The following TTC38 variants were observed in gnomAD, a reference collection of about 807,000 sequenced individuals.
TTC38 encodes the protein tetratricopeptide repeat protein 38.
TTC38 carries 64 observed loss-of-function variants against 64.2 expected under a neutral mutation model. The ratio of observed to expected loss-of-function variants is 1.00; its 90% CI spans 0.81 to 1.23. The LOEUF (loss-of-function observed/expected upper bound fraction) is 1.23. Among genes scored for constraint, TTC38 ranks in the 50% most tolerant of loss-of-function variants. The probability of loss-of-function intolerance (pLI) is 0.00; values close to 1 mark genes in which losing one functional copy is unlikely to be tolerated. For synonymous variants in TTC38, 254 were observed against 249.3 expected, an observed-to-expected ratio of 1.02 and a Z score of -0.18; for missense variants, 573 against 615.5, an observed-to-expected ratio of 0.93 and a Z score of 0.73.
intron 6 of TTC38, chr22:46,280,382 G>A: frequency 1.2e-5 from 4 of 345,604 alleles, no homozygotes; most frequent in South Asian, 8.6e-5. Context: ...TTGTAGCCTG[G>A]GAATGCAGTT....
chr22:46,288,538 C>A lies in TTC38; in HGVS notation c.1032C>A (p.His344Gln). The A allele has an allele frequency of 1.2e-6, 2 of 1,613,954 alleles. No homozygotes were observed. The highest frequency in any genetic ancestry group is 1.7e-6 in the Non-Finnish European group (2 of 1,179,898). The change falls in exon 11 of 14, where the codon CAC becomes CAA. Residue 344 changes from histidine (H) to glutamine (Q), a missense_variant. Coordinates refer to ENST00000381031, the MANE Select transcript of TTC38 (RefSeq NM_017931.4). ...AHFLMASLGAHDPQTTQELLT... is the reference protein window; with the variant it reads ...AHFLMASLGAQDPQTTQELLT... ...TCCTGATGGCATCCCTGGGTGCACA[C>A]GACCCCCAGACCACACAGGAGCTGC...
rs576783275 is a variant in TTC38, at chr22:46,284,538, A to G, written c.795+506A>G. Among the ~76,000 whole-genome samples the G allele has an allele frequency of 7.9e-5, 12 of 152,308 alleles. No homozygotes were observed. In the South Asian group the frequency reaches 1.7e-3, roughly 21 times the overall value. On this transcript the variant is annotated intron_variant, in intron 8 of 13. Transcript: ENST00000381031. ...AATGTGATGATACAGTGTCTGGAAG[A>G]CAGCACAGAACCCAGCTAAATGTAC...
chr22:46,282,389 G>A lies in TTC38; in HGVS notation c.735+671G>A, dbSNP rs900706769. ...AACGCCTGCAGAGGCCTCAGGGAAG[G>A]AAAGGCTAGCACCATGGTGGAGGTG... is the stretch of plus-strand genomic sequence containing the variant. On this transcript the variant is annotated intron_variant, in intron 7 of 13. Transcript: ENST00000381031. The surrounding 1 kb of genome is among the most constrained non-coding windows in gnomAD (Gnocchi z 4.4). Among the ~76,000 whole-genome samples, 6 of 152,218 alleles carry A rather than the reference G, an allele frequency of 3.9e-5. No homozygotes were observed. Among genetic ancestry groups the A allele is most frequent in the Non-Finnish European group, 7.3e-5 (5 of 68,028 alleles).
intron 5 of TTC38, among the ~76,000 whole-genome samples, chr22:46,277,284 A>G: frequency 6.6e-6 from 1 of 151,948 alleles, no homozygotes; most frequent in Non-Finnish European, 1.5e-5. Context: ...ACCACCCTAG[A>G]TACTCGGGTG....
At position 46,292,406 on chromosome 22, in the gene TTC38, C is replaced by T. The variant is rs984652586; in HGVS notation, c.1317-385C>T. On this transcript the variant is annotated intron_variant, in intron 13 of 13. Transcript: ENST00000381031. The surrounding 1 kb of genome is among the most constrained non-coding windows in gnomAD (Gnocchi z 6.5). ...GGCCCCACCCTCATGACTTAATCAC[C>T]TCCAAGAGGCCCTGTTCTTAATACC... is the stretch of plus-strand genomic sequence containing the variant. 3 of 302,304 alleles carry T rather than the reference C, an allele frequency of 9.9e-6. No homozygotes were observed. The highest frequency in any genetic ancestry group is 4.3e-5 in the African/African-American group (2 of 46,536). The allele number at this position is 302,304 out of a possible 1,614,324, so 18.7% of individuals were successfully genotyped here. A position where few individuals can be genotyped will look rare whatever the true frequency, so the allele number is the denominator to read the frequency against.
At chr22:46,288,148 G>A (rs1245606136) in intron 10 of TTC38, among the ~76,000 whole-genome samples, 4 of 152,190 alleles carry the variant, frequency 2.6e-5, no homozygotes, top group Non-Finnish European at 5.9e-5. Context: ...GAGGCCTAGG[G>A]TTTGTCAAAG....
At chr22:46,277,331 G>A (rs181783845) in intron 5 of TTC38, among the ~76,000 whole-genome samples, 35 of 152,266 alleles carry the variant, frequency 2.3e-4, no homozygotes, top group East Asian at 2.1e-3. Flanking sequence ...TGGGCGGGAC[G>A]CAATGGCTCA....
At chr22:46,280,913 G>GTAGA (rs1342760855) in intron 6 of TTC38, among the ~76,000 whole-genome samples, 3 of 152,252 alleles carry the variant, frequency 2.0e-5, no homozygotes, top group Non-Finnish European at 4.4e-5. Flanking sequence ...CTGTGGCTGA[G>GTAGA]TAGATGCTTA....
Position 46,269,096 on chromosome 22 carries a change from C to G in TTC38, c.111+505C>G, listed in dbSNP as rs12483877. On this transcript the variant is annotated intron_variant, in intron 2 of 13. Coordinates refer to ENST00000381031, the MANE Select transcript of TTC38 (RefSeq NM_017931.4). The stretch of plus-strand genomic sequence containing the variant: ...GGTGGGGACATATCTCTGCCCCCCC[C>G]CCACAGCGTCCTAAAAGGGCCTCTG... 3,313 of 416,512 alleles carry G rather than the reference C, an allele frequency of 8.0e-3. 26 individuals are homozygous for G. The highest frequency in any genetic ancestry group is 0.01 in the Non-Finnish European group (2,168 of 206,830). 25.8% of individuals were successfully genotyped at this position (416,512 alleles called of 1,614,324 possible).
chr22:46,272,336 A>G lies in TTC38; in HGVS notation c.113A>G (p.Tyr38Cys), dbSNP rs1181776020. Residue 38 changes from tyrosine to cysteine, a missense_variant and splice_region_variant, in exon 3 of 14, where the codon TAT (tyrosine) becomes TGT (cysteine). By Grantham distance (194) the Tyr-to-Cys change is radical. This residue lies in a region of TTC38 where 134 missense variants were observed against 126.5 expected (regional missense o/e 1.06). Transcript: ENST00000381031. The surrounding 1 kb of genome is among the most constrained non-coding windows in gnomAD (Gnocchi z 6.4). ...CTTGTTTTGCTTTTCCCATTTCAGT[A>G]TGTAAAATGGACCAATGACAAGAGT... ...CKLFDATLTQ[Y>C]VKWTNDKSLG... The G allele has an allele frequency of 1.9e-6, 3 of 1,612,666 alleles. No individual in the cohort carries two copies. Among genetic ancestry groups the G allele is most frequent in the Non-Finnish European group, 2.5e-6 (3 of 1,179,078 alleles).
chr22:46,268,181 G>T, intron 1 of TTC38, 109 bp downstream of exon 1: 2 of 1,287,646 alleles, frequency 1.6e-6, no homozygotes, highest in Middle Eastern at 2.4e-4. Flanking sequence ...GGCGTGGGGT[G>T]AGCCCTGGGC....
chr22:46,276,979 A>AG lies in TTC38; in HGVS notation c.539+1558_539+1559insG, dbSNP rs2077494848. On this transcript the variant is annotated intron_variant, in intron 5 of 13. Transcript: ENST00000381031. This position sits in a 1 kb window ranked among gnomAD's most constrained non-coding sequence, Gnocchi z 4.7. ...AACCTAATAGTACCTGACACACAGC[A>AG]AACATACAATAAATAGCTTAAGTGT... 4.0e-5 allele frequency among the ~76,000 whole-genome samples: 6 copies of AG among 150,758 alleles called. No homozygotes were observed. The highest frequency in any genetic ancestry group is 8.8e-5 in the Non-Finnish European group (6 of 67,824).
Position 46,275,453 on chromosome 22 carries a change from G to C in TTC38, c.539+32G>C. 1.3e-6 allele frequency: 2 copies of C among 1,590,782 alleles called. No individual in the cohort carries two copies. The highest frequency in any genetic ancestry group is 2.3e-5 in the South Asian group (2 of 88,104). On this transcript the variant is annotated intron_variant, in intron 5 of 13. Transcript: ENST00000381031. The surrounding 1 kb of genome is among the most constrained non-coding windows in gnomAD (Gnocchi z 4.5). ...GCCAGCTGGAAATCACATTATTTCT[G>C]TTTCTTAATCTCTCTTTTCTGCCCT...
chr22:46,268,292 A>G (rs1427776805), intron 1 of TTC38, among the ~76,000 whole-genome samples: 1 of 152,080 alleles, frequency 6.6e-6, no homozygotes, highest in Non-Finnish European at 1.5e-5. Context: ...TACTCGGGAG[A>G]CCCCAAGACC....
Position 46,292,937 on chromosome 22 carries a change from CCA to C in TTC38, c.*54_*55del. 7.1e-7 allele frequency: 1 copy of C among 1,400,536 alleles called. No individual in the cohort carries two copies. Among genetic ancestry groups the C allele is most frequent in the Non-Finnish European group, 1.0e-6 (1 of 988,978 alleles). 86.8% of individuals were successfully genotyped at this position (1,400,536 alleles called of 1,614,324 possible). ...AACCTCAGTGGTGGCGTCACTGCGT[CCA>C]GTCAGCTGCTCCACCGGGTTAGGGT... is the stretch of plus-strand genomic sequence containing the variant. On this transcript the variant is annotated 3_prime_UTR_variant, in exon 14 of 14. Transcript: ENST00000381031. This position sits in a 1 kb window ranked among gnomAD's most constrained non-coding sequence, Gnocchi z 6.5.
chr22:46,281,512 C>A lies in TTC38; in HGVS notation c.616-87C>A. 6.5e-7 allele frequency: 1 copy of A among 1,534,296 alleles called. No individual in the cohort carries two copies. The highest frequency in any genetic ancestry group is 8.9e-7 in the Non-Finnish European group (1 of 1,122,208). ...TCCACCCCGTTCAGCCCAGGCCCCT[C>A]TTGCCCCTTAGAGACCTGCCGTCGC... is the stretch of plus-strand genomic sequence containing the variant. On this transcript the variant is annotated intron_variant, in intron 6 of 13. Coordinates refer to ENST00000381031, the MANE Select transcript of TTC38 (RefSeq NM_017931.4). The surrounding 1 kb of genome is among the most constrained non-coding windows in gnomAD (Gnocchi z 5.2).
chr22:46,274,938 T>A lies in TTC38; in HGVS notation c.366-310T>A, dbSNP rs944047197. 1.4e-4 allele frequency among the ~76,000 whole-genome samples: 22 copies of A among 152,176 alleles called. No homozygotes were observed. The highest frequency in any genetic ancestry group is 4.1e-4 in the African/African-American group (17 of 41,444). On this transcript the variant is annotated intron_variant, in intron 4 of 13. Transcript: ENST00000381031. The surrounding 1 kb of genome is among the most constrained non-coding windows in gnomAD (Gnocchi z 4.8). ...CCCGGGTTCAAGTGATTCTCCTGCCTCAGCCTCCCGGGTAGCTGGGATTAC... is the reference window on the plus strand; with the variant it reads ...CCCGGGTTCAAGTGATTCTCCTGCCACAGCCTCCCGGGTAGCTGGGATTAC...
Position 46,272,559 on chromosome 22 carries a change from G to T in TTC38, c.193+143G>T. On this transcript the variant is annotated intron_variant, in intron 3 of 13. Coordinates refer to ENST00000381031, the MANE Select transcript of TTC38 (RefSeq NM_017931.4). The surrounding 1 kb of genome is among the most constrained non-coding windows in gnomAD (Gnocchi z 6.4). Reference sequence around the variant, plus strand: ...GTGGCATTTGCACAGAGGGAGAGAAGATGACAGCTGCCTTTGTGTCTGGAA... The same window carrying T: ...GTGGCATTTGCACAGAGGGAGAGAATATGACAGCTGCCTTTGTGTCTGGAA... 1.6e-6 allele frequency: 1 copy of T among 633,416 alleles called. No individual in the cohort carries two copies. Among genetic ancestry groups the T allele is most frequent in the South Asian group, 1.9e-5 (1 of 53,748 alleles). 39.2% of individuals were successfully genotyped at this position (633,416 alleles called of 1,614,324 possible).
In TTC38 at chr22:46,268,077, A is replaced by C; in HGVS notation, c.33+5A>C. 1 of 1,541,966 alleles carries C rather than the reference A, an allele frequency of 6.5e-7. No individual in the cohort carries two copies. Among genetic ancestry groups the C allele is most frequent in the Non-Finnish European group, 8.7e-7 (1 of 1,150,150 alleles). On this transcript the variant is annotated splice_donor_5th_base_variant and intron_variant, in intron 1 of 13. Coordinates refer to ENST00000381031, the MANE Select transcript of TTC38 (RefSeq NM_017931.4). ...TCGCCTCTGCGCGACTGCCAGGTAC[A>C]CGGAGGCTGCCCCCAACCAGGTCCC...
Sources: gnomAD v4.1 joint callset for allele counts (sites outside exome capture counted in the v4.1 genomes callset) on GRCh38, gnomAD v4.1.1 for gene constraint, gnomAD v4.1.1 regional missense constraint, Gnocchi (gnomAD v3.1) non-coding constraint, MANE v1.5 for transcripts, NCBI Gene and HGNC (gene_info 2026-07-23, HGNC 2026-07-21) for gene names.